The following DENND4C variants were observed in gnomAD, a reference collection of about 807,000 sequenced individuals.
DENND4C encodes DENN domain-containing protein 4C.
A neutral mutation model predicts 203.0 loss-of-function variants in DENND4C; 108 were observed. The ratio of observed to expected loss-of-function variants is 0.53; its 90% CI spans 0.46 to 0.62. The LOEUF is 0.62. Among genes scored for constraint, DENND4C ranks in the 20% least tolerant of loss-of-function variants. DENND4C has a pLI of 0.00. For synonymous variants in DENND4C, 871 were observed against 792.4 expected (o/e 1.10, Z -1.67); for missense variants, 2,481 against 2,301.2 (o/e 1.08, Z -1.60).
intron 9 of DENND4C, among the ~76,000 whole-genome samples, chr9:19,304,329 CAT>C (rs1353848900): frequency 6.7e-6 from 1 of 149,562 alleles, no homozygotes; most frequent in African/African-American, 2.5e-5. Context: ...GGATTACAGA[CAT>C]GTGCCACCAC....
At chr9:19,329,780 C>G (rs1317783095) in intron 16 of DENND4C, among the ~76,000 whole-genome samples, 1 of 152,164 alleles carries the variant, frequency 6.6e-6, no homozygotes. Flanking sequence ...TTGCATTTCC[C>G]TAATGGCTAA....
intron 1 of DENND4C, among the ~76,000 whole-genome samples, chr9:19,246,552 T>G (rs982322809): frequency 2.6e-5 from 4 of 152,170 alleles, no homozygotes; most frequent in Non-Finnish European, 4.4e-5. Flanking sequence ...CATGTTTGTT[T>G]GTTTATTTAT....
intron 12 of DENND4C, among the ~76,000 whole-genome samples, chr9:19,323,110 G>A (rs770271963): frequency 6.6e-6 from 1 of 152,094 alleles, no homozygotes; most frequent in Non-Finnish European, 1.5e-5. Context: ...TTCGAGACCA[G>A]CCTTGTCAAC....
intron 10 of DENND4C, among the ~76,000 whole-genome samples, chr9:19,311,888 C>T (rs1156382563): frequency 6.6e-6 from 1 of 152,054 alleles, no homozygotes; most frequent in Non-Finnish European, 1.5e-5. Flanking sequence ...CAACATTTGT[C>T]AAAATTACAA....
intron 1 of DENND4C, among the ~76,000 whole-genome samples, chr9:19,241,432 C>G (rs1450783263): frequency 6.6e-6 from 1 of 151,896 alleles, no homozygotes; most frequent in African/African-American, 2.4e-5. Context: ...AGGCTGGCCT[C>G]CAACTCCTGG....
intron 1 of DENND4C, among the ~76,000 whole-genome samples, chr9:19,253,704 A>G (rs1373059492): frequency 6.6e-6 from 1 of 152,212 alleles, no homozygotes; most frequent in Non-Finnish European, 1.5e-5. Flanking sequence ...GAGGAATTAC[A>G]TGAACTGCAT....
chr9:19,341,373 G>A (rs1001047501), intron 21 of DENND4C, among the ~76,000 whole-genome samples: 5 of 148,780 alleles, frequency 3.4e-5, no homozygotes, highest in East Asian at 2.0e-4. Context: ...GTGCAGTGGC[G>A]AGAACATGTA....
At chr9:19,238,918 G>C (rs551426582) in intron 1 of DENND4C, among the ~76,000 whole-genome samples, 1 of 151,506 alleles carries the variant, frequency 6.6e-6, no homozygotes, top group African/African-American at 2.4e-5. Flanking sequence ...CTCCCAAAGT[G>C]CTGGGATTGC....
chr9:19,276,260 T>C lies in DENND4C; in HGVS notation c.86T>C (p.Ile29Thr), dbSNP rs1289980352. 1 of 1,232,060 alleles carries C rather than the reference T, an allele frequency of 8.1e-7. No homozygotes were observed. The allele number at this position is 1,232,060 out of a possible 1,614,324, so 76.3% of individuals were successfully genotyped here. A position where few individuals can be genotyped will look rare whatever the true frequency, so the allele number is the denominator to read the frequency against. Residue 29 changes from isoleucine to threonine, a missense_variant, in exon 2 of 33, where the codon ATA (isoleucine) becomes ACA (threonine). Physicochemically the swap from Ile to Thr is moderately conservative, Grantham distance 89. Coordinates refer to ENST00000434457, the MANE Select transcript of DENND4C (RefSeq NM_001330640.2). ...TDTSTLLDQE[I>T]NRLDTKSTGP... is the part of the protein sequence containing the mutation. ...ACATCTACTCTTTTGGATCAAGAAA[T>C]AAATCGTTTAGATACTAAGTCAACT...
At chr9:19,293,884 G>C (rs1309936737) in intron 5 of DENND4C, among the ~76,000 whole-genome samples, 1 of 152,178 alleles carries the variant, frequency 6.6e-6, no homozygotes, top group African/African-American at 2.4e-5. Flanking sequence ...TTTCTCTTCT[G>C]ACTTGAGACC....
chr9:19,295,012 T>C (rs1056022377), intron 5 of DENND4C, among the ~76,000 whole-genome samples: 3 of 152,164 alleles, frequency 2.0e-5, no homozygotes, highest in Non-Finnish European at 4.4e-5. Flanking sequence ...TTAATACCAG[T>C]GAATTGTACA....
intron 12 of DENND4C, among the ~76,000 whole-genome samples, chr9:19,324,079 CAT>C (rs1263048736): frequency 6.6e-6 from 1 of 151,982 alleles, no homozygotes; most frequent in African/African-American, 2.4e-5. Flanking sequence ...ATATGTGAAA[CAT>C]AAATGAATTT....
At chr9:19,352,319 C>G (rs1739606368) in intron 25 of DENND4C, 137 bp downstream of exon 25, 1 of 1,027,422 alleles carries the variant, frequency 9.7e-7, no homozygotes, top group South Asian at 1.7e-5. Context: ...TGCTTGATGT[C>G]TTATGTAAGT....
chr9:19,280,004 G>A (rs1017895872), intron 2 of DENND4C, among the ~76,000 whole-genome samples: 1 of 117,088 alleles, frequency 8.5e-6, no homozygotes, highest in Non-Finnish European at 1.8e-5. Flanking sequence ...AGGAAGGGTA[G>A]GAAATATAGG....
At chr9:19,289,621 G>C (rs1835871755) in intron 4 of DENND4C, among the ~76,000 whole-genome samples, 1 of 152,110 alleles carries the variant, frequency 6.6e-6, no homozygotes, top group Non-Finnish European at 1.5e-5. Context: ...TTGAGGCCAG[G>C]AGTTTGAGAC....
chr9:19,308,159 G>A (rs1162772937), intron 10 of DENND4C, among the ~76,000 whole-genome samples: 1 of 152,048 alleles, frequency 6.6e-6, no homozygotes, highest in African/African-American at 2.4e-5. Flanking sequence ...TCTGATCATC[G>A]TATATATTTC....
intron 31 of DENND4C, among the ~76,000 whole-genome samples, chr9:19,370,590 G>A (rs189680991): frequency 1.1e-4 from 16 of 152,214 alleles, no homozygotes; most frequent in African/African-American, 2.6e-4. Flanking sequence ...ATAAACTTAC[G>A]TACCACTTAT....
chr9:19,344,055 T>G (rs1238851494), intron 22 of DENND4C, among the ~76,000 whole-genome samples: 2 of 152,226 alleles, frequency 1.3e-5, no homozygotes, highest in Non-Finnish European at 2.9e-5. Context: ...CTCTAAATGC[T>G]TATTCTGATT....
chr9:19,231,920 A>T (rs760717465), intron 1 of DENND4C, among the ~76,000 whole-genome samples: 1 of 152,100 alleles, frequency 6.6e-6, no homozygotes, highest in Non-Finnish European at 1.5e-5. Flanking sequence ...GAGAGGGGAG[A>T]ACGTTAGTGC....
Sources: allele counts gnomAD v4.1 joint callset (sites outside exome capture counted in the v4.1 genomes callset), GRCh38; gene constraint gnomAD v4.1.1; transcripts MANE v1.5; gene names NCBI Gene and HGNC (gene_info 2026-07-23, HGNC 2026-07-21).